Variants in STAP1 observed in about 807,000 individuals in gnomAD.
The protein encoded by STAP1 is signal-transducing adaptor protein 1.
STAP1 carries 30 observed loss-of-function variants against 37.8 expected under a neutral mutation model. The observed-to-expected ratio is 0.79, with a 90% confidence interval of 0.59 to 1.08. The LOEUF (loss-of-function observed/expected upper bound fraction) is 1.08, where lower values mean the gene tolerates loss of function less well. Among genes scored for constraint, STAP1 ranks in the 50% least tolerant of loss-of-function variants. STAP1 has a pLI of 0.00. For synonymous variants in STAP1, 130 were observed against 116.0 expected, an observed-to-expected ratio of 1.12 and a Z score of -0.78; for missense variants, 357 against 349.4, an observed-to-expected ratio of 1.02 and a Z score of -0.17.
chr4:67,559,824 G>A, intron 1 of STAP1, among the ~76,000 whole-genome samples: 1 of 151,890 alleles, frequency 6.6e-6, no homozygotes, highest in East Asian at 1.9e-4. Context: ...GAATACTTGT[G>A]GAAAAATTAT....
intron 1 of STAP1, among the ~76,000 whole-genome samples, chr4:67,567,602 C>G (rs898233940): frequency 6.6e-6 from 1 of 152,224 alleles, no homozygotes; most frequent in African/African-American, 2.4e-5. Context: ...CAATAATTTT[C>G]TAGCCTTTGA....
intron 1 of STAP1, among the ~76,000 whole-genome samples, chr4:67,567,500 T>A (rs1434963994): frequency 6.6e-6 from 1 of 152,252 alleles, no homozygotes; most frequent in Non-Finnish European, 1.5e-5. Flanking sequence ...TGTACCTCTC[T>A]TTGAAATATG....
At chr4:67,584,144 TA>T (rs1727931119) in intron 6 of STAP1, among the ~76,000 whole-genome samples, 1 of 144,026 alleles carries the variant, frequency 6.9e-6, no homozygotes, top group Admixed American at 6.9e-5. Context: ...GGGAATGTCA[TA>T]AAAGCAATGC....
chr4:67,575,578 G>A, intron 3 of STAP1, 80 bp downstream of exon 3: 2 of 1,021,636 alleles, frequency 2.0e-6, no homozygotes, highest in Non-Finnish European at 1.5e-6. Context: ...GAAGTAAAGA[G>A]AAATTGTAAG....
At chr4:67,581,499 T>A in intron 5 of STAP1, 28 bp downstream of exon 5, 1 of 1,575,294 alleles carries the variant, frequency 6.3e-7, no homozygotes, top group Non-Finnish European at 8.6e-7. Context: ...TGCAGTTTAT[T>A]CATTCGATTG....
At chr4:67,604,890 G>A (rs577222602) in intron 8 of STAP1, among the ~76,000 whole-genome samples, 2 of 152,170 alleles carry the variant, frequency 1.3e-5, no homozygotes, top group African/African-American at 4.8e-5. Flanking sequence ...TGCTGTTTTG[G>A]GTCTGTATTC....
At chr4:67,590,635 C>G (rs1044593636) in intron 6 of STAP1, among the ~76,000 whole-genome samples, 1 of 151,654 alleles carries the variant, frequency 6.6e-6, no homozygotes. Context: ...CCTGTTTATT[C>G]TTTCTAATTC....
At chr4:67,571,296 G>A in intron 2 of STAP1, 141 bp downstream of exon 2, 1 of 568,168 alleles carries the variant, frequency 1.8e-6, no homozygotes, top group Non-Finnish European at 3.0e-6. Context: ...TTAAATCTGT[G>A]GGGGCCGCCA....
chr4:67,573,580 T>G (rs1727651474), intron 2 of STAP1, among the ~76,000 whole-genome samples: 1 of 152,206 alleles, frequency 6.6e-6, no homozygotes, highest in Non-Finnish European at 1.5e-5. Flanking sequence ...GATTCTTTCT[T>G]CCTTTGAACC....
chr4:67,563,501 T>C (rs1420837921), intron 1 of STAP1, among the ~76,000 whole-genome samples: 1 of 151,842 alleles, frequency 6.6e-6, no homozygotes, highest in African/African-American at 2.4e-5. Flanking sequence ...AGGCCAGGAG[T>C]TGGAGATCAG....
At chr4:67,590,696 A>G (rs957249583) in intron 6 of STAP1, among the ~76,000 whole-genome samples, 188 bp from the exon 7 acceptor site, 2 of 151,966 alleles carry the variant, frequency 1.3e-5, no homozygotes, top group Non-Finnish European at 2.9e-5. Context: ...AGCCCCCACA[A>G]AAAGACACTC....
intron 8 of STAP1, among the ~76,000 whole-genome samples, chr4:67,603,791 A>T (rs1728394166): frequency 6.6e-6 from 1 of 151,736 alleles, no homozygotes. Flanking sequence ...TCTCTACTCA[A>T]GCAGAAAGGA....
chr4:67,588,039 T>TAAAAAAAA (rs3032636), intron 6 of STAP1, among the ~76,000 whole-genome samples: 10 of 85,628 alleles, frequency 1.2e-4, no homozygotes, highest in Non-Finnish European at 1.5e-4. Context: ...CACATTTTCT[T>TAAAAAAAA]AAAAAAAAAA....
chr4:67,564,780 G>A (rs1324392517), intron 1 of STAP1, among the ~76,000 whole-genome samples: 1 of 152,156 alleles, frequency 6.6e-6, no homozygotes, highest in Non-Finnish European at 1.5e-5. Flanking sequence ...AGGCATGGTG[G>A]CATGTGCCTG....
chr4:67,595,498 C>A (rs1728205855), intron 8 of STAP1, among the ~76,000 whole-genome samples: 1 of 151,670 alleles, frequency 6.6e-6, no homozygotes. Flanking sequence ...TGTGTCAATG[C>A]ACAATGTGAA....
intron 1 of STAP1, among the ~76,000 whole-genome samples, chr4:67,561,408 A>C (rs892845771): frequency 1.1e-4 from 16 of 152,158 alleles, no homozygotes; most frequent in African/African-American, 3.6e-4. Context: ...AACTAGAAAA[A>C]ATATAACTGA....
intron 8 of STAP1, among the ~76,000 whole-genome samples, chr4:67,599,970 TA>T (rs1306173869): frequency 6.6e-6 from 1 of 152,134 alleles, no homozygotes; most frequent in Non-Finnish European, 1.5e-5. Flanking sequence ...TTTGTTTCAA[TA>T]ATCTTTTGTA....
chr4:67,565,102 G>T (rs1727436954), intron 1 of STAP1, among the ~76,000 whole-genome samples: 1 of 152,164 alleles, frequency 6.6e-6, no homozygotes, highest in Non-Finnish European at 1.5e-5. Context: ...GCCTTAAAAA[G>T]AGTTGGTCGG....
chr4:67,606,119 G>C (rs1728444117), intron 8 of STAP1, among the ~76,000 whole-genome samples, 177 bp from the exon 9 acceptor site: 1 of 152,020 alleles, frequency 6.6e-6, no homozygotes, highest in South Asian at 2.1e-4. Context: ...TACAGGTCCA[G>C]GATAAAATAA....
Sources: allele counts gnomAD v4.1 joint callset (sites outside exome capture counted in the v4.1 genomes callset), GRCh38; gene constraint gnomAD v4.1.1; transcripts MANE v1.5; gene names NCBI Gene and HGNC (gene_info 2026-07-23, HGNC 2026-07-21).